The following TLN2 variants were observed in gnomAD, a reference collection of about 807,000 sequenced individuals.
TLN2 encodes the protein talin 2, also known as talin-2.
A neutral mutation model predicts 294.7 loss-of-function variants in TLN2; 118 were observed. That is an observed-to-expected ratio of 0.40 (90% confidence interval 0.34 to 0.47). The LOEUF is 0.47. TLN2 is among the 20% of genes least tolerant of loss of function. The pLI is 0.84. For synonymous variants in TLN2, 1,431 were observed against 1,304.5 expected, an observed-to-expected ratio of 1.10 and a Z score of -2.09; for missense variants, 3,083 against 3,282.2, an observed-to-expected ratio of 0.94 and a Z score of 1.48.
At chr15:62,756,446 G>T (rs1595890357) in intron 37 of TLN2, among the ~76,000 whole-genome samples, 1 of 152,248 alleles carries the variant, frequency 6.6e-6, no homozygotes, top group East Asian at 1.9e-4. Flanking sequence ...AACAGCCACA[G>T]CCTGGACAAC....
rs555674609 is a variant in TLN2 at position 62,723,538 on chromosome 15, C to CTTTTTT, written c.3126+1067_3126+1072dup. Among the ~76,000 whole-genome samples the CTTTTTT allele has an allele frequency of 2.8e-4, 30 of 107,198 alleles. 1 individual carries two copies. The highest frequency in any genetic ancestry group is 1.1e-3 in the South Asian group (3 of 2,838). The allele number at this position is 107,198 out of a possible 152,430, so 70.3% of individuals were successfully genotyped here. A position where few individuals can be genotyped will look rare whatever the true frequency, so the allele number is the denominator to read the frequency against. On this transcript the variant is annotated intron_variant, in intron 26 of 58. Transcript: ENST00000636159. ...GGTACAGGAAGACACACTGTGAAAA[C>CTTTTTT]TTTTTTTTTTTTTTTTTTTTTGTGA...
chr15:62,520,673 T>C (rs2040412201), intron 1 of TLN2, among the ~76,000 whole-genome samples: 1 of 152,210 alleles, frequency 6.6e-6, no homozygotes, highest in South Asian at 2.1e-4. Context: ...GATAACCGTA[T>C]ATGTTGCTAA....
intron 2 of TLN2, among the ~76,000 whole-genome samples, chr15:62,596,753 A>AT (rs999121916): frequency 1.4e-4 from 22 of 151,852 alleles, no homozygotes; most frequent in African/African-American, 4.6e-4. Context: ...AAAAAAAAAA[A>AT]AATAATAATA....
At chr15:62,636,965 A>G (rs2050440544) in intron 3 of TLN2, among the ~76,000 whole-genome samples, 1 of 151,908 alleles carries the variant, frequency 6.6e-6, no homozygotes, top group Non-Finnish European at 1.5e-5. Flanking sequence ...AGCTTCCCCC[A>G]CCCCAACCCC....
chr15:62,740,399 T>G, intron 31 of TLN2: 1 of 492,780 alleles, frequency 2.0e-6, no homozygotes, highest in Non-Finnish European at 3.6e-6. Context: ...GCTGACCCAC[T>G]TGGGGATGGA....
chr15:62,637,953 G>A (rs1418700843), intron 3 of TLN2: 1 of 152,324 alleles, frequency 6.6e-6, no homozygotes, highest in Admixed American at 6.5e-5. Context: ...CATTTCATTA[G>A]TATCGAGGAT....
At chr15:62,664,877 A>T (rs1344471594) in intron 9 of TLN2, among the ~76,000 whole-genome samples, 1 of 150,148 alleles carries the variant, frequency 6.7e-6, no homozygotes, top group Admixed American at 6.7e-5. Context: ...AAAAAAAAAA[A>T]AGTGGCTACC....
chr15:62,602,246 C>A, intron 2 of TLN2, among the ~76,000 whole-genome samples: 1 of 152,124 alleles, frequency 6.6e-6, no homozygotes, highest in East Asian at 1.9e-4. Context: ...ATACTCTGTT[C>A]TTTCATCTGT....
intron 40 of TLN2, among the ~76,000 whole-genome samples, chr15:62,765,423 G>A: frequency 6.6e-6 from 1 of 151,770 alleles, no homozygotes; most frequent in East Asian, 1.9e-4. Flanking sequence ...AGGCAGCATT[G>A]TTCTGTGGGA....
At chr15:62,838,724 G>C in intron 57 of TLN2, 132 bp from the exon 58 acceptor site, 2 of 1,219,126 alleles carry the variant, frequency 1.6e-6, no homozygotes, top group Non-Finnish European at 2.2e-6. Flanking sequence ...GTACTCTCTG[G>C]CTACAGAACT....
intron 34 of TLN2, among the ~76,000 whole-genome samples, chr15:62,750,698 T>C (rs921807433): frequency 6.6e-6 from 1 of 152,132 alleles, no homozygotes; most frequent in African/African-American, 2.4e-5. Context: ...TAAATACAGA[T>C]TGCCTACCCC....
intron 3 of TLN2, among the ~76,000 whole-genome samples, chr15:62,624,890 G>A (rs2140870647): frequency 6.6e-6 from 1 of 152,332 alleles, no homozygotes; most frequent in East Asian, 1.9e-4. Flanking sequence ...GAACGATTAA[G>A]CCTGTCTTAA....
intron 1 of TLN2, among the ~76,000 whole-genome samples, chr15:62,582,459 T>C (rs975516496): frequency 7.9e-5 from 12 of 152,216 alleles, no homozygotes; most frequent in African/African-American, 2.9e-4. Flanking sequence ...AATACAGACA[T>C]GTAAATAGAT....
At chr15:62,836,185 G>A in intron 57 of TLN2, 112 bp downstream of exon 57, 2 of 1,447,640 alleles carry the variant, frequency 1.4e-6, no homozygotes, top group Non-Finnish European at 1.9e-6. Flanking sequence ...CCATCAGCCA[G>A]CCCTGTCCAC....
intron 41 of TLN2, among the ~76,000 whole-genome samples, chr15:62,768,051 T>C (rs553465910): frequency 5.0e-4 from 76 of 152,294 alleles, no homozygotes; most frequent in African/African-American, 1.8e-3. Flanking sequence ...GTGCGCCCTC[T>C]ATCCAGAAGA....
chr15:62,702,052 A>T lies in TLN2; in HGVS notation c.1757A>T (p.Asn586Ile). ...TGTGCGATCACCACTATTTCTTCCA[A>T]CCTGACGGAGATGTCCAAGGGTGTG... ...VGCAITTISS[N>I]LTEMSKGVKL... The change falls in exon 18 of 59, where the codon AAC (asparagine) becomes ATC (isoleucine). Residue 586 changes from asparagine to isoleucine, a missense_variant. Physicochemically the swap from Asn to Ile is moderately radical, Grantham distance 149. Transcript: ENST00000636159. 2 of 1,614,132 alleles carry T rather than the reference A, an allele frequency of 1.2e-6. No individual in the cohort carries two copies. The highest frequency in any genetic ancestry group is 1.7e-6 in the Non-Finnish European group (2 of 1,180,034).
intron 36 of TLN2, chr15:62,755,329 C>G: frequency 1.7e-6 from 1 of 598,832 alleles, no homozygotes; most frequent in South Asian, 2.5e-5. Flanking sequence ...CTCCTTTTTT[C>G]TTATTCTTTC....
At chr15:62,435,492 A>G (rs1019243923) in intron 1 of TLN2, among the ~76,000 whole-genome samples, 4 of 151,620 alleles carry the variant, frequency 2.6e-5, no homozygotes, top group African/African-American at 9.7e-5. Flanking sequence ...CTATTTGTCT[A>G]TTGTGTTGTT....
chr15:62,758,567 C>G (rs914735097), intron 37 of TLN2: 1 of 152,344 alleles, frequency 6.6e-6, no homozygotes, highest in East Asian at 1.9e-4. Flanking sequence ...CCCCTCACAG[C>G]AGAGTTAAAG....
Sources: gnomAD v4.1 joint callset for allele counts (sites outside exome capture counted in the v4.1 genomes callset) on GRCh38, gnomAD v4.1.1 for gene constraint, MANE v1.5 for transcripts, NCBI Gene and HGNC (gene_info 2026-07-23, HGNC 2026-07-21) for gene names.